VEPH1: variants seen among roughly 807,000 people sequenced by gnomAD.
The protein encoded by VEPH1 is ventricular zone-expressed PH domain-containing protein homolog 1.
Under a neutral mutation model 85.2 loss-of-function variants are expected in VEPH1, and 80 were observed. That is an observed-to-expected ratio of 0.94 (90% CI 0.78 to 1.13). The LOEUF is 1.13. VEPH1 is among the 50% of genes most tolerant of loss of function. The pLI, the probability that VEPH1 is intolerant of heterozygous loss-of-function variation, is 0.00. For missense variants in VEPH1, 955 were observed against 980.5 expected, an observed-to-expected ratio of 0.97 and a Z score of 0.35; for synonymous variants, 297 against 348.0, an observed-to-expected ratio of 0.85 and a Z score of 1.63.
At chr3:157,293,484 C>T (rs1331617783) in intron 11 of VEPH1, among the ~76,000 whole-genome samples, 1 of 152,164 alleles carries the variant, frequency 6.6e-6, no homozygotes, top group African/African-American at 2.4e-5. Flanking sequence ...CATGGCAATT[C>T]TATGTGTCTG....
intron 12 of VEPH1, among the ~76,000 whole-genome samples, chr3:157,278,571 G>T (rs1224635065): frequency 6.6e-6 from 1 of 152,206 alleles, no homozygotes; most frequent in African/African-American, 2.4e-5. Flanking sequence ...GTTTTGAAGA[G>T]TTCACTCTGG....
chr3:157,288,715 T>C (rs987299426), intron 11 of VEPH1, among the ~76,000 whole-genome samples: 4 of 152,230 alleles, frequency 2.6e-5, no homozygotes, highest in Admixed American at 2.6e-4. Flanking sequence ...GCTATAAACT[T>C]GGCACCTGAA....
At chr3:157,374,303 T>A (rs560360359) in intron 7 of VEPH1, among the ~76,000 whole-genome samples, 1 of 152,338 alleles carries the variant, frequency 6.6e-6, no homozygotes, top group East Asian at 1.9e-4. Flanking sequence ...ATCAAAACTC[T>A]TGTTTCATTC....
chr3:157,426,659 C>G (rs182940093), intron 5 of VEPH1, among the ~76,000 whole-genome samples: 1 of 152,176 alleles, frequency 6.6e-6, no homozygotes, highest in Non-Finnish European at 1.5e-5. Context: ...TTTGCTGTCA[C>G]TATAGGCTGA....
intron 2 of VEPH1, among the ~76,000 whole-genome samples, chr3:157,483,230 TAAC>T (rs946673654): frequency 6.6e-5 from 10 of 151,682 alleles, no homozygotes; most frequent in African/African-American, 1.5e-4. Flanking sequence ...TCACCACCAC[TAAC>T]AACAAGTGAG....
At chr3:157,409,683 A>C (rs1731396045) in intron 6 of VEPH1, 3 of 985,274 alleles carry the variant, frequency 3.0e-6, no homozygotes, top group East Asian at 2.3e-4. Context: ...CAGTCTGCTC[A>C]CCCAGATGGG....
intron 7 of VEPH1, among the ~76,000 whole-genome samples, chr3:157,373,404 C>G (rs990217425): frequency 1.3e-5 from 2 of 152,112 alleles, no homozygotes; most frequent in Admixed American, 6.5e-5. Flanking sequence ...CGGGAGCAAC[C>G]CTTTGTATTA....
chr3:157,445,258 T>G (rs1209543527), intron 4 of VEPH1, among the ~76,000 whole-genome samples: 1 of 152,174 alleles, frequency 6.6e-6, no homozygotes, highest in African/African-American at 2.4e-5. Flanking sequence ...AAAAATATAC[T>G]TTTGTCGTGT....
chr3:157,436,933 A>C, intron 4 of VEPH1: 2 of 1,613,050 alleles, frequency 1.2e-6, no homozygotes, highest in Non-Finnish European at 1.7e-6. Flanking sequence ...TCTCTCCAGC[A>C]ATGCATCTCC....
At chr3:157,261,946 C>T (rs1559904651) in intron 13 of VEPH1, among the ~76,000 whole-genome samples, 1 of 152,100 alleles carries the variant, frequency 6.6e-6, no homozygotes, top group East Asian at 1.9e-4. Flanking sequence ...TCTACAATAC[C>T]AAAGTCATCA....
chr3:157,313,538 T>C (rs1277094224), intron 11 of VEPH1, 83 bp downstream of exon 11: 12 of 1,479,828 alleles, frequency 8.1e-6, no homozygotes, highest in Non-Finnish European at 1.0e-5. Flanking sequence ...AAGGATGAAA[T>C]TTAATTGCTA....
chr3:157,316,543 A>G (rs1720770526), intron 10 of VEPH1, among the ~76,000 whole-genome samples: 1 of 150,820 alleles, frequency 6.6e-6, no homozygotes, highest in Non-Finnish European at 1.5e-5. Context: ...ACTATTTTCA[A>G]ATAAGAATCT....
Position 157,381,165 on chromosome 3 carries a change from C to T in VEPH1, c.1118G>A (p.Gly373Glu), listed in dbSNP as rs1728717162. 6.2e-7 allele frequency: 1 copy of T among 1,613,346 alleles called. No individual in the cohort carries two copies. The highest frequency in any genetic ancestry group is 8.5e-7 in the Non-Finnish European group (1 of 1,179,992). ...LTRQLENTKAGSGRRKISTEI... is the reference protein window; with the variant it reads ...LTRQLENTKAESGRRKISTEI... The stretch of plus-strand genomic sequence containing the variant: ...AGAAGCTCTTGCTCACCTGCCACTT[C>T]CAGCCTTGGTATTTTCCAGTTGTCG... The change falls in exon 7 of 14, where the codon GGA (glycine) becomes GAA (glutamate). Residue 373 changes from glycine (G) to glutamate (E), a missense_variant. Coordinates refer to ENST00000362010, the MANE Select transcript of VEPH1 (RefSeq NM_001167912.2).
rs1436511098 is a variant in VEPH1, at chr3:157,292,970, C to T, written c.2011-6296G>A. Reference sequence around the variant, plus strand: ...TGCACTCCAGTCTGGGCAACAAGAGCAAAACTCCACCTCAAAAAAAAAAAA... The same window carrying T: ...TGCACTCCAGTCTGGGCAACAAGAGTAAAACTCCACCTCAAAAAAAAAAAA... On this transcript the variant is annotated intron_variant, in intron 11 of 13. Transcript: ENST00000362010. 4.5e-5 allele frequency among the ~76,000 whole-genome samples: 5 copies of T among 112,232 alleles called. No homozygotes were observed. The East Asian group carries it at 1.2e-3, about 27-fold the overall frequency. 73.6% of individuals were successfully genotyped at this position (112,232 alleles called of 152,430 possible). A position where few individuals can be genotyped will look rare whatever the true frequency, so the allele number is the denominator to read the frequency against.
intron 4 of VEPH1, among the ~76,000 whole-genome samples, chr3:157,457,451 C>T (rs974465926): frequency 6.6e-6 from 1 of 152,170 alleles, no homozygotes; most frequent in Non-Finnish European, 1.5e-5. Flanking sequence ...GCGTCCTTGT[C>T]TTGTGCCAGT....
At chr3:157,434,811 A>T (rs7615621) in intron 4 of VEPH1, among the ~76,000 whole-genome samples, 89,451 of 151,698 alleles carry the variant, frequency 0.59, 26,930 homozygotes, top group African/African-American at 0.7. Context: ...TTCCCCCTGC[A>T]CCTTCTATTC....
intron 6 of VEPH1, among the ~76,000 whole-genome samples, chr3:157,411,511 C>T (rs1006534433): frequency 1.3e-5 from 2 of 152,102 alleles, no homozygotes; most frequent in Admixed American, 6.6e-5. Flanking sequence ...CAAATAGCTG[C>T]GTCAGAATTA....
At chr3:157,411,614 T>A (rs571791437) in intron 6 of VEPH1, among the ~76,000 whole-genome samples, 1 of 152,294 alleles carries the variant, frequency 6.6e-6, no homozygotes, top group African/African-American at 2.4e-5. Context: ...AGACTGACAT[T>A]ATTTAAAAGC....
chr3:157,337,819 A>G (rs915905672), intron 9 of VEPH1, among the ~76,000 whole-genome samples: 1 of 152,226 alleles, frequency 6.6e-6, no homozygotes, highest in African/African-American at 2.4e-5. Flanking sequence ...TATTTTATAC[A>G]TAAAAAGATT....
Sources: allele counts gnomAD v4.1 joint callset (sites outside exome capture counted in the v4.1 genomes callset), GRCh38; gene constraint gnomAD v4.1.1; transcripts MANE v1.5; gene names NCBI Gene and HGNC (gene_info 2026-07-23, HGNC 2026-07-21).